EGF: variants seen among roughly 807,000 people sequenced by gnomAD.
The protein encoded by EGF is pro-epidermal growth factor.
Under a neutral mutation model 143.8 loss-of-function variants are expected in EGF, and 95 were observed. That is an observed-to-expected ratio of 0.66 (90% CI 0.56 to 0.78). The LOEUF is 0.78. Among genes scored for constraint, EGF ranks in the 30% least tolerant of loss-of-function variants. The pLI, the probability that EGF is intolerant of heterozygous loss-of-function variation, is 0.00. For missense variants in EGF, 1,320 were observed against 1,470.9 expected, an observed-to-expected ratio of 0.90 and a Z score of 1.68; for synonymous variants, 510 against 510.5, an observed-to-expected ratio of 1.00 and a Z score of 0.01.
At chr4:110,010,031 T>C (rs1753804870) in intron 23 of EGF, among the ~76,000 whole-genome samples, 1 of 152,152 alleles carries the variant, frequency 6.6e-6, no homozygotes, top group Admixed American at 6.5e-5. Context: ...GGTCAGGAGT[T>C]TGAGACCAGC....
intron 21 of EGF, 144 bp downstream of exon 21, chr4:109,999,990 G>T: frequency 1.6e-6 from 2 of 1,264,256 alleles, no homozygotes. Flanking sequence ...AGTGACCCAT[G>T]CCTGCAATCC....
At position 109,976,115 on chromosome 4, in the gene EGF, A is replaced by C; in HGVS notation, c.1933A>C (p.Ser645Arg). Residue 645 changes from serine (S) to arginine (R), a missense_variant, in exon 13 of 24, where the codon AGT (serine) becomes CGT (arginine). Around this residue, in one of 5 missense-constraint regions of EGF, gnomAD observed 1,186 missense variants for 1,313.7 expected, o/e 0.90. Coordinates refer to ENST00000265171, the MANE Select transcript of EGF (RefSeq NM_001963.6). ...AGCCAGCTCTGATCTAATCTGGCCCAGTGGAATAACGATTGACTTCTTAAC... is the reference window on the plus strand; with the variant it reads ...AGCCAGCTCTGATCTAATCTGGCCCCGTGGAATAACGATTGACTTCTTAAC... Reference protein sequence around the residue: ...VIASSDLIWPSGITIDFLTDK... With the variant: ...VIASSDLIWPRGITIDFLTDK... 1.2e-6 allele frequency: 2 copies of C among 1,614,162 alleles called. No individual in the cohort carries two copies. The highest frequency in any genetic ancestry group is 1.7e-6 in the Non-Finnish European group (2 of 1,179,982).
rs376198509 is a variant in EGF, at chr4:109,968,990, C to A, written c.1595C>A (p.Ala532Asp). The part of the protein sequence containing the change: ...VENKIYFAHT[A>D]LKWIERANMD... ...TTGTAGATATACTTTGCCCATACAG[C>A]CCTGAAGTGGATAGAGAGAGCTAAT... The change falls in exon 11 of 24, where the codon GCC becomes GAC. Residue 532 changes from alanine (A) to aspartate (D), a missense_variant. Physicochemically the swap from Ala to Asp is moderately radical, Grantham distance 126. Transcript: ENST00000265171. 6.2e-7 allele frequency: 1 copy of A among 1,613,894 alleles called. No individual in the cohort carries two copies.
intron 18 of EGF, among the ~76,000 whole-genome samples, chr4:109,990,967 A>T (rs546668917): frequency 5.5e-4 from 84 of 152,304 alleles, no homozygotes; most frequent in South Asian, 1.9e-3. Context: ...TTAGGGCTCA[A>T]CATATGAATT....
intron 1 of EGF, among the ~76,000 whole-genome samples, chr4:109,915,281 T>C (rs1448061327): frequency 1.3e-5 from 2 of 152,216 alleles, no homozygotes; most frequent in Non-Finnish European, 2.9e-5. Context: ...AGAGTATCTC[T>C]GGGAAATAAT....
chr4:109,988,622 C>G lies in EGF; in HGVS notation c.2647C>G (p.Pro883Ala), dbSNP rs775907076. The G allele has an allele frequency of 6.2e-7, 1 of 1,614,078 alleles. No homozygotes were observed. The highest frequency in any genetic ancestry group is 1.7e-5 in the Admixed American group (1 of 60,022). ...TGAGATGGGTGTCCCAGTGTGCCCC[C>G]CTGCCTCCTCCAAGTGCATCAACAC... ...ECEMGVPVCP[P>A]ASSKCINTEG... Residue 883 changes from proline to alanine, a missense_variant, in exon 18 of 24, where the codon CCT becomes GCT. Pro to Ala is a conservative substitution (Grantham distance 27). Coordinates refer to ENST00000265171, the MANE Select transcript of EGF (RefSeq NM_001963.6).
rs1754086762 is a variant in EGF, at chr4:110,012,510, A to AC, written c.*1057dup. On this transcript the variant is annotated 3_prime_UTR_variant, in exon 24 of 24. Coordinates refer to ENST00000265171, the MANE Select transcript of EGF (RefSeq NM_001963.6). ...TGCCTCAGCCTCCCGAGTAACTAGG[A>AC]CCACAGGCACAGGCCACCATGCCTG... 6.6e-6 allele frequency among the ~76,000 whole-genome samples: 1 copy of AC among 152,066 alleles called. No individual in the cohort carries two copies.
chr4:110,000,466 A>G (rs1752437813), intron 21 of EGF, among the ~76,000 whole-genome samples: 1 of 152,126 alleles, frequency 6.6e-6, no homozygotes, highest in Admixed American at 6.5e-5. Flanking sequence ...CATAGCCTGC[A>G]TAACTATAAT....
At chr4:109,970,824 C>CAAAAA (rs371512157) in intron 11 of EGF, among the ~76,000 whole-genome samples, 3 of 72,968 alleles carry the variant, frequency 4.1e-5, no homozygotes, top group Admixed American at 1.7e-4. Flanking sequence ...GACTCCGTCT[C>CAAAAA]AAAAAAAAAA....
At chr4:109,932,554 A>G (rs929509437) in intron 1 of EGF, among the ~76,000 whole-genome samples, 2 of 150,556 alleles carry the variant, frequency 1.3e-5, no homozygotes, top group East Asian at 3.9e-4. Context: ...AATTTTTTGT[A>G]TTTTTAGTAG....
chr4:109,949,093 G>T (rs946896481), intron 5 of EGF, among the ~76,000 whole-genome samples: 22 of 151,768 alleles, frequency 1.4e-4, no homozygotes, highest in Admixed American at 5.2e-4. Context: ...TTGAGATGGA[G>T]TCTCGCTCTA....
intron 2 of EGF, 80 bp downstream of exon 2, chr4:109,941,225 G>C: frequency 7.6e-7 from 1 of 1,314,434 alleles, no homozygotes; most frequent in Non-Finnish European, 1.1e-6. Context: ...TTAATGTATA[G>C]ATAAATGAAA....
chr4:109,986,575 A>T (rs1245125214), intron 16 of EGF, among the ~76,000 whole-genome samples: 1 of 152,146 alleles, frequency 6.6e-6, no homozygotes, highest in Non-Finnish European at 1.5e-5. Context: ...TCTTTAATTT[A>T]TCGGCAAGTT....
chr4:109,965,927 A>G (rs925625815), intron 10 of EGF, among the ~76,000 whole-genome samples: 4 of 151,916 alleles, frequency 2.6e-5, no homozygotes, highest in African/African-American at 7.3e-5. Flanking sequence ...ACGACTTACC[A>G]TTTTCTGAAT....
In EGF at chr4:110,002,084, T is replaced by A. The variant is rs1222283220; in HGVS notation, c.3173+2238T>A. 3 of 964,062 alleles carry A rather than the reference T, an allele frequency of 3.1e-6. No individual in the cohort carries two copies. The African/African-American group carries it at 5.3e-5, about 17-fold the overall frequency. The allele number at this position is 964,062 out of a possible 1,614,324, so 59.7% of individuals were successfully genotyped here. ...TAACATTGAGTTTTTAAGTTAGACATGCTAACTGTTTTTCTTTAAAGGGTT... is the reference window on the plus strand; with the variant it reads ...TAACATTGAGTTTTTAAGTTAGACAAGCTAACTGTTTTTCTTTAAAGGGTT... On this transcript the variant is annotated intron_variant, in intron 21 of 23. Transcript: ENST00000265171.
intron 11 of EGF, 99 bp downstream of exon 11, chr4:109,969,218 GC>G: frequency 2.6e-6 from 4 of 1,543,372 alleles, no homozygotes; most frequent in Non-Finnish European, 3.6e-6. Context: ...GAAAAATGTT[GC>G]TGGGCATTTG....
At chr4:109,933,831 A>G (rs1740260268) in intron 1 of EGF, among the ~76,000 whole-genome samples, 2 of 152,304 alleles carry the variant, frequency 1.3e-5, no homozygotes, top group Non-Finnish European at 2.9e-5. Flanking sequence ...ATCGATAGAC[A>G]TTTGGGTTGG....
chr4:110,001,382 T>G (rs1459086416), intron 21 of EGF, among the ~76,000 whole-genome samples: 1 of 152,244 alleles, frequency 6.6e-6, no homozygotes. Flanking sequence ...GAGACAAGAT[T>G]CTTAGGCACA....
intron 15 of EGF, among the ~76,000 whole-genome samples, chr4:109,983,156 T>C (rs1365132690): frequency 6.6e-6 from 1 of 152,140 alleles, no homozygotes; most frequent in Non-Finnish European, 1.5e-5. Context: ...CTCTTGTTTT[T>C]TGCCAGTACC....
Sources: allele counts gnomAD v4.1 joint callset (sites outside exome capture counted in the v4.1 genomes callset), GRCh38; gene constraint gnomAD v4.1.1; regional missense constraint gnomAD v4.1.1; transcripts MANE v1.5; gene names NCBI Gene and HGNC (gene_info 2026-07-23, HGNC 2026-07-21).